Variants in RNF2 observed in about 807,000 individuals in gnomAD.
RNF2 encodes the protein E3 ubiquitin-protein ligase RING2.
Under a neutral mutation model 37.2 loss-of-function variants are expected in RNF2, and 6 were observed. That is an observed-to-expected ratio of 0.16 (90% CI 0.09 to 0.32). The LOEUF (loss-of-function observed/expected upper bound fraction) is 0.32, where lower values mean the gene tolerates loss of function less well. Ranked by LOEUF, RNF2 falls within the 10% of genes least tolerant of loss-of-function variation. The pLI, the probability that RNF2 is intolerant of heterozygous loss-of-function variation, is 1.00. For missense variants in RNF2, 251 were observed against 404.0 expected (o/e 0.62, Z 3.25); for synonymous variants, 133 against 132.7 (o/e 1.00, Z -0.02).
At chr1:185,096,834 A>ATT (rs748099631) in intron 4 of RNF2, among the ~76,000 whole-genome samples, 10 of 127,020 alleles carry the variant, frequency 7.9e-5, no homozygotes, top group Admixed American at 1.6e-4. Flanking sequence ...TATAAGCAGG[A>ATT]TTTTTTTTTT....
At chr1:185,061,547 G>A (rs1392671978) in intron 1 of RNF2, among the ~76,000 whole-genome samples, 1 of 152,142 alleles carries the variant, frequency 6.6e-6, no homozygotes, top group Non-Finnish European at 1.5e-5. Context: ...TGCAATTATG[G>A]CAGGTGGATG....
intron 2 of RNF2, among the ~76,000 whole-genome samples, chr1:185,089,406 A>G (rs575893113): frequency 1.5e-4 from 23 of 152,294 alleles, no homozygotes; most frequent in Admixed American, 3.9e-4. Context: ...GCATCCAAGG[A>G]TTTTGATATC....
At chr1:185,063,643 A>T (rs558420117) in intron 1 of RNF2, among the ~76,000 whole-genome samples, 5 of 152,204 alleles carry the variant, frequency 3.3e-5, no homozygotes, top group Non-Finnish European at 7.3e-5. Context: ...ACTATTTTAC[A>T]GTTCTGGCAG....
At chr1:185,092,810 A>G (rs1451432216) in intron 3 of RNF2, among the ~76,000 whole-genome samples, 1 of 152,160 alleles carries the variant, frequency 6.6e-6, no homozygotes, top group African/African-American at 2.4e-5. Context: ...TAAGATGGTT[A>G]TATATAAATT....
intron 1 of RNF2, among the ~76,000 whole-genome samples, chr1:185,054,791 G>A (rs1017562446): frequency 6.6e-6 from 1 of 152,028 alleles, no homozygotes; most frequent in Admixed American, 6.6e-5. Flanking sequence ...TCCGCCTGCC[G>A]GGGTCAAGCG....
chr1:185,080,295 A>G (rs929703090), intron 1 of RNF2, among the ~76,000 whole-genome samples: 5 of 152,222 alleles, frequency 3.3e-5, no homozygotes, highest in African/African-American at 1.2e-4. Flanking sequence ...AGCTAAATGT[A>G]TTTCACATTC....
intron 1 of RNF2, among the ~76,000 whole-genome samples, chr1:185,073,578 A>G (rs1343049398): frequency 6.6e-6 from 1 of 152,166 alleles, no homozygotes; most frequent in Non-Finnish European, 1.5e-5. Flanking sequence ...TTTTAAAAGG[A>G]CACATAAATG....
intron 1 of RNF2, among the ~76,000 whole-genome samples, chr1:185,055,993 G>A (rs554635270): frequency 4.6e-5 from 7 of 152,148 alleles, no homozygotes; most frequent in African/African-American, 1.7e-4. Flanking sequence ...TGTTTTTAAA[G>A]GCTCTCAAAT....
chr1:185,062,062 G>C (rs1465223220), intron 1 of RNF2, among the ~76,000 whole-genome samples: 4 of 152,160 alleles, frequency 2.6e-5, no homozygotes, highest in Non-Finnish European at 5.9e-5. Context: ...CCACCTTGTA[G>C]CAGCAAATAT....
intron 2 of RNF2, 138 bp from the exon 3 acceptor site, chr1:185,091,441 C>T (rs1453509563): frequency 1.4e-6 from 1 of 721,560 alleles, no homozygotes; most frequent in African/African-American, 1.8e-5. Flanking sequence ...ACAAAATTAG[C>T]TGTGAGTTGA....
intron 1 of RNF2, among the ~76,000 whole-genome samples, chr1:185,063,652 A>T (rs545135078): frequency 3.9e-5 from 6 of 152,344 alleles, no homozygotes; most frequent in African/African-American, 1.4e-4. Context: ...CAGTTCTGGC[A>T]GTAAGAAGTC....
At chr1:185,100,021 T>C in intron 6 of RNF2, 59 bp downstream of exon 6, 1 of 1,466,004 alleles carries the variant, frequency 6.8e-7, no homozygotes, top group Non-Finnish European at 9.4e-7. Flanking sequence ...ACTAACTGAG[T>C]GGCAAGTGGT....
At chr1:185,086,812 A>T (rs1251669057) in intron 1 of RNF2, among the ~76,000 whole-genome samples, 2 of 152,204 alleles carry the variant, frequency 1.3e-5, no homozygotes, top group African/African-American at 4.8e-5. Flanking sequence ...TTTAACTTGG[A>T]CAGCATTGGA....
At position 185,076,268 on chromosome 1, in the gene RNF2, GTTTTTTTT is replaced by G. The variant is rs71101959; in HGVS notation, c.-2-11251_-2-11244del. Among the ~76,000 whole-genome samples, 5 of 27,342 alleles carry G rather than the reference GTTTTTTTT, an allele frequency of 1.8e-4. No individual in the cohort carries two copies. The East Asian group carries it at 3.6e-3, about 20-fold the overall frequency. 17.9% of individuals were successfully genotyped at this position (27,342 alleles called of 152,430 possible). On this transcript the variant is annotated intron_variant, in intron 1 of 6. Transcript: ENST00000367510. Reference sequence around the variant, plus strand: ...TTTTCTTCTAGATCTTTTATGGGTTGTTTTTTTTTTTTTTTTTTTTTTTTTTTTTTTTT... The same window carrying G: ...TTTTCTTCTAGATCTTTTATGGGTTGTTTTTTTTTTTTTTTTTTTTTTTTT...
intron 1 of RNF2, among the ~76,000 whole-genome samples, chr1:185,059,228 T>TA (rs35280730): frequency 0.55 from 80,664 of 147,152 alleles, 22,781 homozygotes; most frequent in African/African-American, 0.72. Flanking sequence ...CAGTCTGGAT[T>TA]AAAAAAAAAA....
intron 1 of RNF2, chr1:185,046,163 G>A (rs1005942562): frequency 1.3e-5 from 2 of 152,276 alleles, no homozygotes; most frequent in African/African-American, 4.8e-5. Flanking sequence ...CTTCCTTCTG[G>A]GGGGTCGGAG....
intron 1 of RNF2, among the ~76,000 whole-genome samples, chr1:185,045,926 C>A (rs1571285930): frequency 6.6e-6 from 1 of 152,142 alleles, no homozygotes; most frequent in South Asian, 2.1e-4. Flanking sequence ...CGCCGGGATT[C>A]CTTCCTTCGC....
intron 1 of RNF2, among the ~76,000 whole-genome samples, chr1:185,050,403 A>G (rs974281538): frequency 6.6e-6 from 1 of 152,206 alleles, no homozygotes; most frequent in African/African-American, 2.4e-5. Context: ...GATTAAATCC[A>G]ATTTCATTCT....
At position 185,093,113 on chromosome 1, in the gene RNF2, AG is replaced by A; in HGVS notation, c.303del (p.Arg101SerfsTer28). On this transcript the variant is annotated frameshift_variant, in exon 4 of 7. Transcript: ENST00000367510. LOFTEE classifies it high-confidence loss of function. Reference sequence around the variant, plus strand: ...AAAACTAGTTTCCAAAAGATCACTAAGGCCAGACCCAAACTTTGATGCACTC... The same window carrying A: ...AAAACTAGTTTCCAAAAGATCACTAAGCCAGACCCAAACTTTGATGCACTC... ...RKKLVSKRSL[R>X]PDPNFDALIS... 1 of 1,614,000 alleles carries A rather than the reference AG, an allele frequency of 6.2e-7. No individual in the cohort carries two copies. Among genetic ancestry groups the A allele is most frequent in the Non-Finnish European group, 8.5e-7 (1 of 1,179,892 alleles).
Sources: allele counts gnomAD v4.1 joint callset (sites outside exome capture counted in the v4.1 genomes callset), GRCh38; gene constraint gnomAD v4.1.1; transcripts MANE v1.5; gene names NCBI Gene and HGNC (gene_info 2026-07-23, HGNC 2026-07-21).